KCNH4: variants seen among roughly 807,000 people sequenced by gnomAD.
KCNH4 encodes potassium voltage-gated channel subfamily H member 4.
Under a neutral mutation model 90.7 loss-of-function variants are expected in KCNH4, and 33 were observed. The observed-to-expected ratio is 0.36, with a 90% confidence interval of 0.28 to 0.49. The LOEUF (loss-of-function observed/expected upper bound fraction) is 0.49, where lower values mean the gene tolerates loss of function less well. KCNH4 is among the 20% of genes least tolerant of loss of function. The pLI, the probability that KCNH4 is intolerant of heterozygous loss-of-function variation, is 0.98. For synonymous variants in KCNH4, 551 were observed against 581.7 expected (o/e 0.95, Z 0.76); for missense variants, 1,044 against 1,387.1 (o/e 0.75, Z 3.93).
chr17:42,176,286 C>A lies in KCNH4; in HGVS notation c.597G>T (p.Glu199Asp), dbSNP rs1488994302. 6.2e-7 allele frequency: 1 copy of A among 1,611,822 alleles called. No homozygotes were observed. Among genetic ancestry groups the A allele is most frequent in the Non-Finnish European group, 8.5e-7 (1 of 1,179,190 alleles). Residue 199 changes from glutamate to aspartate, a missense_variant, in exon 5 of 17, where the codon GAG becomes GAT. Glu to Asp is a conservative substitution (Grantham distance 45). This residue lies in a region of KCNH4 where 283 missense variants were observed against 378.6 expected (regional missense o/e 0.75). Transcript: ENST00000264661. ...TGTACTCGGGCACTGATGGCTTTGG[C>A]TCAAACACGTTCTAAGGGGAGAGGG... ...GGMKANNNVF[E>D]PKPSVPEYKV...
chr17:42,165,547 C>T lies in KCNH4; in HGVS notation c.1987G>A (p.Ala663Thr), dbSNP rs144160163. The T allele has an allele frequency of 1.9e-6, 3 of 1,614,186 alleles. No individual in the cohort carries two copies. Among genetic ancestry groups the T allele is most frequent in the Non-Finnish European group, 2.5e-6 (3 of 1,180,022 alleles). ...GLQQLSSRGL[A>T]EVLRLYPEYG... ...TCAGGATAGAGCCTCAGGACCTCAG[C>T]CAGCCCTCGGCTGCTCAGCTGCTGC... Residue 663 changes from alanine (A) to threonine (T), a missense_variant, in exon 11 of 17, where the codon GCT (alanine) becomes ACT (threonine). Physicochemically the swap from Ala to Thr is moderately conservative, Grantham distance 58. Around this residue, in one of 4 missense-constraint regions of KCNH4, gnomAD observed 441 missense variants for 512.3 expected, o/e 0.86. Coordinates refer to ENST00000264661, the MANE Select transcript of KCNH4 (RefSeq NM_012285.3).
chr17:42,168,871 A>C (rs1158091608), intron 9 of KCNH4, among the ~76,000 whole-genome samples: 1 of 151,220 alleles, frequency 6.6e-6, no homozygotes, highest in Non-Finnish European at 1.5e-5. Flanking sequence ...TCCCGGGTTC[A>C]TGCCATTCTC....
Position 42,163,973 on chromosome 17 carries a change from G to C in KCNH4, c.2125-15C>G, listed in dbSNP as rs1359291947. The stretch of plus-strand genomic sequence containing the variant: ...TCTGAGCGGGGCTGCGGGCAGAGGG[G>C]GCAGCTGATGTCGCAGGACAGTGAA... On this transcript the variant is annotated splice_polypyrimidine_tract_variant and intron_variant, in intron 12 of 16. Coordinates refer to ENST00000264661, the MANE Select transcript of KCNH4 (RefSeq NM_012285.3). The surrounding 1 kb of genome is among the most constrained non-coding windows in gnomAD (Gnocchi z 5.4). The C allele has an allele frequency of 2.6e-6, 4 of 1,521,452 alleles. No individual in the cohort carries two copies. The African/African-American group carries it at 5.5e-5, about 21-fold the overall frequency. 94.2% of individuals were successfully genotyped at this position (1,521,452 alleles called of 1,614,324 possible).
chr17:42,171,359 G>C (rs1380661555), intron 7 of KCNH4, among the ~76,000 whole-genome samples: 2 of 152,066 alleles, frequency 1.3e-5, no homozygotes, highest in African/African-American at 4.8e-5. Context: ...GACCATGCCC[G>C]GGATCTGACA....
chr17:42,166,310 C>T lies in KCNH4; in HGVS notation c.1827G>A (p.Val609=). ...GSLEVLRDNM[V]LAILGKGDLI... ...CGGTGTCCTTACCCAGGATGGCCAG[C>T]ACCATGTTGTCTCGGAGCACCTCAA... The change falls in exon 10 of 17, where the codon GTG becomes GTA. Residue 609 remains valine, a synonymous_variant. Transcript: ENST00000264661. 2 of 1,606,206 alleles carry T rather than the reference C, an allele frequency of 1.2e-6. No individual in the cohort carries two copies.
intron 4 of KCNH4, 122 bp downstream of exon 4, chr17:42,177,977 TG>T: frequency 1.6e-6 from 2 of 1,231,948 alleles, no homozygotes; most frequent in Non-Finnish European, 2.3e-6. Flanking sequence ...GGGAAATGGG[TG>T]GGCAGAGGAG....
chr17:42,166,253 G>T, intron 10 of KCNH4, 44 bp downstream of exon 10: 1 of 1,546,850 alleles, frequency 6.5e-7, no homozygotes, highest in Non-Finnish European at 8.8e-7. Context: ...GGGGTTGCGG[G>T]GGGTGGTTCC....
intron 6 of KCNH4, among the ~76,000 whole-genome samples, chr17:42,173,439 C>T (rs1406711879): frequency 6.6e-6 from 1 of 152,150 alleles, no homozygotes; most frequent in Non-Finnish European, 1.5e-5. Context: ...CAGGGCTTCC[C>T]TCAGTCAGCT....
Position 42,178,929 on chromosome 17 carries a change from G to T in KCNH4, c.174C>A (p.Thr58=), listed in dbSNP as rs779056272. The T allele has an allele frequency of 6.2e-7, 1 of 1,614,232 alleles. No individual in the cohort carries two copies. Among genetic ancestry groups the T allele is most frequent in the Admixed American group, 1.7e-5 (1 of 60,032 alleles). ...AGCTGCAGGTCTTCTGCATGACCTC[G>T]GTGCGACCGTAGCCTGTGAGCTCGC... The part of the protein sequence containing the change: ...GFCELTGYGR[T]EVMQKTCSCR... Residue 58 remains threonine, a synonymous_variant, in exon 2 of 17, where the codon ACC becomes ACA. Coordinates refer to ENST00000264661, the MANE Select transcript of KCNH4 (RefSeq NM_012285.3).
In KCNH4 at chr17:42,163,645, G is replaced by A. The variant is rs761902693; in HGVS notation, c.2438C>T (p.Pro813Leu). 4.7e-6 allele frequency: 7 copies of A among 1,502,216 alleles called. No homozygotes were observed. The highest frequency in any genetic ancestry group is 4.6e-5 in the East Asian group (2 of 43,302). 93.1% of individuals were successfully genotyped at this position (1,502,216 alleles called of 1,614,324 possible). ...AAWKPPQLLI[P>L]PLGTFGPPDL... The stretch of plus-strand genomic sequence containing the variant: ...CGGAGGTCCAAAGGTTCCCAGTGGG[G>A]GAATGAGAAGCTGAGGGGGCTTCCA... The change falls in exon 13 of 17, where the codon CCC becomes CTC. Residue 813 changes from proline (P) to leucine (L), a missense_variant. Around this residue, in one of 4 missense-constraint regions of KCNH4, gnomAD observed 441 missense variants for 512.3 expected, o/e 0.86. Transcript: ENST00000264661. The surrounding 1 kb of genome is among the most constrained non-coding windows in gnomAD (Gnocchi z 5.4).
At chr17:42,176,509 CTTTTTTTTTTTTT>C (rs869250233) in intron 4 of KCNH4, among the ~76,000 whole-genome samples, 17 of 68,458 alleles carry the variant, frequency 2.5e-4, no homozygotes, top group South Asian at 1.0e-3. Flanking sequence ...GGCCCTCCTC[CTTTTTTTTTTTTT>C]TTTTTTTTTT....
chr17:42,161,952 CTTTTTTTT>C (rs986564483), intron 15 of KCNH4, among the ~76,000 whole-genome samples: 2 of 122,276 alleles, frequency 1.6e-5, no homozygotes, highest in African/African-American at 6.8e-5. Flanking sequence ...ATATCTCTCT[CTTTTTTTT>C]TTTTTTTTTT....
intron 6 of KCNH4, 52 bp downstream of exon 6, chr17:42,175,527 G>A (rs1401828422): frequency 6.2e-7 from 1 of 1,603,250 alleles, no homozygotes; most frequent in Non-Finnish European, 8.5e-7. Context: ...CCTGGAAGAT[G>A]CTGTGCTGAA....
At chr17:42,171,659 AGCTCAAC>A (rs1242994640) in intron 7 of KCNH4, 122 bp downstream of exon 7, 9 of 879,984 alleles carry the variant, frequency 1.0e-5, no homozygotes, top group Middle Eastern at 2.4e-4. Context: ...ATCCAGAAAG[AGCTCAAC>A]GCATGTTTGT....
rs181966486 is a variant in KCNH4, at chr17:42,180,005, A to T, written c.76+865T>A. ...TGGGGGCAGGGAGGCTGATGGGGAC[A>T]CTGAAGGTGCCTGGGAGGCACTGGG... is the stretch of plus-strand genomic sequence containing the variant. On this transcript the variant is annotated intron_variant, in intron 1 of 16. Coordinates refer to ENST00000264661, the MANE Select transcript of KCNH4 (RefSeq NM_012285.3). This position sits in a 1 kb window ranked among gnomAD's most constrained non-coding sequence, Gnocchi z 4.7. Among the ~76,000 whole-genome samples, 330 of 152,334 alleles carry T rather than the reference A, an allele frequency of 2.2e-3. No individual in the cohort carries two copies. Among genetic ancestry groups the T allele is most frequent in the African/African-American group, 7.6e-3 (315 of 41,582 alleles).
chr17:42,161,036 C>G (rs910669308), intron 15 of KCNH4, among the ~76,000 whole-genome samples: 3 of 148,074 alleles, frequency 2.0e-5, no homozygotes, highest in Non-Finnish European at 3.0e-5. Context: ...ACGAGATTCT[C>G]CTGCCTCAGC....
intron 9 of KCNH4, 141 bp from the exon 10 acceptor site, chr17:42,166,687 C>G (rs1431425969): frequency 2.8e-6 from 3 of 1,057,702 alleles, no homozygotes; most frequent in Admixed American, 2.8e-5. Context: ...AGTACAACCT[C>G]TGTGTCTAAC....
intron 9 of KCNH4, among the ~76,000 whole-genome samples, chr17:42,168,854 C>T (rs2079806189): frequency 6.6e-6 from 1 of 151,752 alleles, no homozygotes; most frequent in African/African-American, 2.4e-5. Context: ...TCACTGCAAG[C>T]TCCGCCTCCC....
chr17:42,173,450 G>A (rs1191903898), intron 6 of KCNH4, among the ~76,000 whole-genome samples: 1 of 152,094 alleles, frequency 6.6e-6, no homozygotes, highest in East Asian at 1.9e-4. Flanking sequence ...TCAGTCAGCT[G>A]CCCTTGGGCC....
Sources: gnomAD v4.1 joint callset for allele counts (sites outside exome capture counted in the v4.1 genomes callset) on GRCh38, gnomAD v4.1.1 for gene constraint, gnomAD v4.1.1 regional missense constraint, Gnocchi (gnomAD v3.1) non-coding constraint, MANE v1.5 for transcripts, NCBI Gene and HGNC (gene_info 2026-07-23, HGNC 2026-07-21) for gene names.